Variants in DAAM1 observed in about 807,000 individuals in gnomAD.
DAAM1 encodes dishevelled associated activator of morphogenesis 1.
Under a neutral mutation model 130.0 loss-of-function variants are expected in DAAM1, and 52 were observed. That is an observed-to-expected ratio of 0.40 (90% confidence interval 0.32 to 0.50). The LOEUF is 0.50. DAAM1 is among the 20% of genes least tolerant of loss of function. DAAM1 has a pLI of 0.61. For missense variants in DAAM1, 1,134 were observed against 1,303.8 expected (o/e 0.87, Z 2.01); for synonymous variants, 452 against 444.5 (o/e 1.02, Z -0.21).
intron 2 of DAAM1, 121 bp downstream of exon 2, chr14:59,263,781 T>A (rs1024203764): frequency 8.1e-6 from 10 of 1,241,390 alleles, no homozygotes; most frequent in Admixed American, 7.9e-5. Flanking sequence ...TGGCCCCCAT[T>A]CACCTTTATG....
intron 1 of DAAM1, among the ~76,000 whole-genome samples, chr14:59,215,530 G>T (rs1458932319): frequency 6.6e-6 from 1 of 152,192 alleles, no homozygotes; most frequent in African/African-American, 2.4e-5. Flanking sequence ...TTCTGCAGGC[G>T]GCAGCCGCTG....
At chr14:59,220,164 C>A (rs1010152215) in intron 1 of DAAM1, among the ~76,000 whole-genome samples, 7 of 152,048 alleles carry the variant, frequency 4.6e-5, no homozygotes, top group African/African-American at 1.5e-4. Context: ...AAGCTTCTGG[C>A]AGGAAATAGA....
chr14:59,228,034 C>A (rs914028322), intron 1 of DAAM1, among the ~76,000 whole-genome samples: 4 of 152,050 alleles, frequency 2.6e-5, no homozygotes, highest in Non-Finnish European at 5.9e-5. Context: ...TAGTAGAAAC[C>A]CTTTGAACTT....
At chr14:59,278,814 C>T (rs17255534) in intron 2 of DAAM1, among the ~76,000 whole-genome samples, 9,917 of 152,230 alleles carry the variant, frequency 0.065, 420 homozygotes, top group Non-Finnish European at 0.097. Context: ...GTGTCTGAAA[C>T]TGTAACATTT....
intron 1 of DAAM1, among the ~76,000 whole-genome samples, chr14:59,256,205 T>A (rs1881875707): frequency 6.6e-6 from 1 of 152,238 alleles, no homozygotes; most frequent in African/African-American, 2.4e-5. Flanking sequence ...AAACAAACTT[T>A]ACTTATCACA....
In DAAM1 at chr14:59,320,140, G is replaced by A. The variant is rs116156117; in HGVS notation, c.346-350G>A. ...ATAGGAATGGTAGCATAGGAGGACTGCTGCCCACCTCCTGTTTTTGATAAT... is the reference window on the plus strand; with the variant it reads ...ATAGGAATGGTAGCATAGGAGGACTACTGCCCACCTCCTGTTTTTGATAAT... On this transcript the variant is annotated intron_variant, in intron 4 of 24. Coordinates refer to ENST00000360909, the MANE Select transcript of DAAM1 (RefSeq NM_001270520.2). 6.5e-3 allele frequency among the ~76,000 whole-genome samples: 989 copies of A among 152,298 alleles called. 15 individuals are homozygous for A. The highest frequency in any genetic ancestry group is 0.023 in the African/African-American group (958 of 41,572).
In DAAM1 at chr14:59,188,682, A is replaced by C. The variant is rs1466160338; in HGVS notation, c.-124A>C. On this transcript the variant is annotated 5_prime_UTR_variant, in exon 1 of 25. Transcript: ENST00000360909. ...GATGTCACCTGCGAGTTAGTAACCT[A>C]CGAGCGGCTGTGAAGGAAACTGTTT... 3 of 153,024 alleles carry C rather than the reference A, an allele frequency of 2.0e-5. No individual in the cohort carries two copies. Among genetic ancestry groups the C allele is most frequent in the East Asian group, 3.9e-4 (2 of 5,186 alleles). 9.5% of individuals were successfully genotyped at this position (153,024 alleles called of 1,614,324 possible).
At chr14:59,225,785 G>T (rs1289510544) in intron 1 of DAAM1, among the ~76,000 whole-genome samples, 1 of 152,188 alleles carries the variant, frequency 6.6e-6, no homozygotes, top group Non-Finnish European at 1.5e-5. Flanking sequence ...GTATTAAGAT[G>T]CCTGTTGTCC....
At chr14:59,325,562 C>A (rs1451602961) in intron 8 of DAAM1, 102 bp from the exon 9 acceptor site, 7 of 993,294 alleles carry the variant, frequency 7.0e-6, no homozygotes, top group Non-Finnish European at 1.0e-5. Flanking sequence ...TTTGAGATAT[C>A]TCTGAAAAGT....
chr14:59,246,637 A>G (rs1392344191), intron 1 of DAAM1, among the ~76,000 whole-genome samples: 2 of 152,196 alleles, frequency 1.3e-5, no homozygotes, highest in East Asian at 1.9e-4. Context: ...ACTGTTTTCC[A>G]TAATGGTTGT....
chr14:59,274,746 A>T (rs540387967), intron 2 of DAAM1, among the ~76,000 whole-genome samples: 7 of 152,182 alleles, frequency 4.6e-5, no homozygotes, highest in Non-Finnish European at 7.3e-5. Flanking sequence ...CATAGTGGTG[A>T]TAAGTTTGGG....
intron 1 of DAAM1, among the ~76,000 whole-genome samples, chr14:59,230,719 A>G (rs2139443582): frequency 8.0e-6 from 1 of 124,554 alleles, no homozygotes; most frequent in Admixed American, 9.8e-5. Context: ...TTAATTGTGC[A>G]TTTTAAAATA....
At chr14:59,326,437 C>G in intron 10 of DAAM1, 73 bp from the exon 11 acceptor site, 1 of 1,466,638 alleles carries the variant, frequency 6.8e-7, no homozygotes, top group South Asian at 1.4e-5. Flanking sequence ...AAAGGGTGAC[C>G]ACCATTGACA....
rs894414611 is a variant in DAAM1 at position 59,321,832 on chromosome 14, A to G, written c.441-1060A>G. Among the ~76,000 whole-genome samples the G allele has an allele frequency of 2.0e-5, 3 of 152,172 alleles. 1 individual carries two copies. The highest frequency in any genetic ancestry group is 7.2e-5 in the African/African-American group (3 of 41,428). On this transcript the variant is annotated intron_variant, in intron 5 of 24. Coordinates refer to ENST00000360909, the MANE Select transcript of DAAM1 (RefSeq NM_001270520.2). ...CAGCATTTCTCTCAATATGTTCTGC[A>G]CTCTCAGATGTTAATCGATATCCAA... is the stretch of plus-strand genomic sequence containing the variant.
At chr14:59,321,702 G>T (rs1413185809) in intron 5 of DAAM1, among the ~76,000 whole-genome samples, 2 of 152,200 alleles carry the variant, frequency 1.3e-5, no homozygotes, top group Non-Finnish European at 2.9e-5. Context: ...AGAAAATAAA[G>T]ATTCCCTTTC....
intron 2 of DAAM1, among the ~76,000 whole-genome samples, chr14:59,284,451 C>T (rs1334124418): frequency 6.6e-6 from 1 of 152,094 alleles, no homozygotes; most frequent in Non-Finnish European, 1.5e-5. Flanking sequence ...CTAAATCTTA[C>T]TGTGTTTAAT....
intron 1 of DAAM1, among the ~76,000 whole-genome samples, chr14:59,219,243 A>T (rs1262006522): frequency 6.6e-6 from 1 of 152,136 alleles, no homozygotes; most frequent in South Asian, 2.1e-4. Context: ...ACTACCTTCC[A>T]CCACCACCCC....
At chr14:59,353,077 G>A (rs1325738756) in intron 18 of DAAM1, among the ~76,000 whole-genome samples, 2 of 151,966 alleles carry the variant, frequency 1.3e-5, no homozygotes, top group African/African-American at 2.4e-5. Flanking sequence ...CCAGGGTCTA[G>A]ATGTCAGATC....
chr14:59,362,222 A>G (rs1411717168), intron 22 of DAAM1: 1 of 152,006 alleles, frequency 6.6e-6, no homozygotes, highest in Admixed American at 6.6e-5. Context: ...GCTTTATTAA[A>G]GGATAGTTTT....
Sources: allele counts gnomAD v4.1 joint callset (sites outside exome capture counted in the v4.1 genomes callset), GRCh38; gene constraint gnomAD v4.1.1; transcripts MANE v1.5; gene names NCBI Gene and HGNC (gene_info 2026-07-23, HGNC 2026-07-21).